The following COL23A1 variants were observed in gnomAD, a reference collection of about 807,000 sequenced individuals.
COL23A1 encodes collagen alpha-1(XXIII) chain.
A neutral mutation model predicts 99.3 loss-of-function variants in COL23A1; 97 were observed. That is an observed-to-expected ratio of 0.98 (90% CI 0.83 to 1.16). The LOEUF (loss-of-function observed/expected upper bound fraction) is 1.16. Among genes scored for constraint, COL23A1 ranks in the 50% most tolerant of loss-of-function variants. COL23A1 has a pLI of 0.00. For synonymous variants in COL23A1, 320 were observed against 308.2 expected (o/e 1.04, Z -0.40); for missense variants, 762 against 757.4 (o/e 1.01, Z -0.07).
intron 3 of COL23A1, among the ~76,000 whole-genome samples, chr5:178,298,644 C>G (rs1171294846): frequency 6.6e-6 from 1 of 152,176 alleles, no homozygotes; most frequent in Non-Finnish European, 1.5e-5. Flanking sequence ...GCCTCTCTTC[C>G]TCTCCCATTC....
At chr5:178,566,323 G>C (rs567065573) in intron 1 of COL23A1, among the ~76,000 whole-genome samples, 26 of 152,260 alleles carry the variant, frequency 1.7e-4, no homozygotes, top group African/African-American at 6.0e-4. Flanking sequence ...TTATGCATTT[G>C]TCAAAAACCA....
intron 2 of COL23A1, among the ~76,000 whole-genome samples, chr5:178,482,099 T>C (rs1000310924): frequency 1.3e-5 from 2 of 151,486 alleles, no homozygotes; most frequent in Non-Finnish European, 2.9e-5. Context: ...AATTACTATA[T>C]GATCCAGAAA....
chr5:178,552,978 G>A (rs953169665), intron 2 of COL23A1, among the ~76,000 whole-genome samples: 21 of 151,954 alleles, frequency 1.4e-4, no homozygotes, highest in African/African-American at 4.1e-4. Flanking sequence ...AAAGTGCTGG[G>A]ATTACAGGCG....
intron 1 of COL23A1, among the ~76,000 whole-genome samples, chr5:178,585,056 C>T (rs1202009086): frequency 6.6e-6 from 1 of 152,232 alleles, no homozygotes; most frequent in Non-Finnish European, 1.5e-5. Context: ...ATCCCAAACC[C>T]ATCAACCTTC....
rs1764793004 is a variant in COL23A1 at position 178,247,832 on chromosome 5, C to G, written c.1213-1G>C. 6.2e-7 allele frequency: 1 copy of G among 1,611,660 alleles called. No homozygotes were observed. Among genetic ancestry groups the G allele is most frequent in the African/African-American group, 1.3e-5 (1 of 74,876 alleles). ...GCCCTGGCTCCACTATGAGCTGAGC[C>G]TAGGGAGGGTGAGAGACAGGTTAGT... is the stretch of plus-strand genomic sequence containing the variant. On this transcript the variant is annotated splice_acceptor_variant, in intron 20 of 28. Transcript: ENST00000390654. LOFTEE classifies it high-confidence loss of function.
chr5:178,311,192 C>G (rs10447307), intron 2 of COL23A1, among the ~76,000 whole-genome samples: 1 of 151,898 alleles, frequency 6.6e-6, no homozygotes, highest in South Asian at 2.1e-4. Context: ...GAGGCTGGGG[C>G]GAGGGGTATG....
At chr5:178,400,584 TAC>T (rs996579227) in intron 2 of COL23A1, among the ~76,000 whole-genome samples, 12 of 152,074 alleles carry the variant, frequency 7.9e-5, no homozygotes, top group African/African-American at 2.9e-4. Flanking sequence ...TTTTTAAGTG[TAC>T]AATTCAATGA....
intron 5 of COL23A1, among the ~76,000 whole-genome samples, chr5:178,272,155 G>A (rs10464067): frequency 2.0e-5 from 3 of 152,332 alleles, no homozygotes; most frequent in East Asian, 1.9e-4. Flanking sequence ...CCTTCCCTGC[G>A]TTTCCAGCTG....
intron 2 of COL23A1, among the ~76,000 whole-genome samples, chr5:178,522,793 C>T (rs979620299): frequency 2.6e-5 from 4 of 152,138 alleles, no homozygotes; most frequent in Admixed American, 1.3e-4. Context: ...ACGTGGCCTA[C>T]GGGGACTGCC....
At chr5:178,494,526 G>A (rs1758097506) in intron 2 of COL23A1, among the ~76,000 whole-genome samples, 1 of 152,162 alleles carries the variant, frequency 6.6e-6, no homozygotes, top group Non-Finnish European at 1.5e-5. Context: ...AAAATGCAAA[G>A]TAGCCTGGCG....
At chr5:178,376,047 T>G (rs1320255561) in intron 2 of COL23A1, among the ~76,000 whole-genome samples, 1 of 152,112 alleles carries the variant, frequency 6.6e-6, no homozygotes, top group Non-Finnish European at 1.5e-5. Context: ...GGCTCAAATG[T>G]CTTCCTCCCA....
intron 2 of COL23A1, among the ~76,000 whole-genome samples, chr5:178,363,356 G>A (rs2973707): frequency 6.6e-6 from 1 of 152,160 alleles, no homozygotes; most frequent in African/African-American, 2.4e-5. Flanking sequence ...GATAGCCTAA[G>A]TGTAGAACCT....
At chr5:178,250,132 G>A in intron 17 of COL23A1, 27 bp from the exon 18 acceptor site, 2 of 1,613,908 alleles carry the variant, frequency 1.2e-6, no homozygotes, top group South Asian at 1.1e-5. Context: ...GGCAAGAGGG[G>A]TTATGCCTTC....
chr5:178,576,165 A>C (rs1276704797), intron 1 of COL23A1, among the ~76,000 whole-genome samples: 1 of 152,148 alleles, frequency 6.6e-6, no homozygotes, highest in Non-Finnish European at 1.5e-5. Flanking sequence ...TTTTCAAGCA[A>C]AGTTCAGTTC....
At chr5:178,432,497 C>A (rs987324240) in intron 2 of COL23A1, among the ~76,000 whole-genome samples, 14 of 152,166 alleles carry the variant, frequency 9.2e-5, no homozygotes. Flanking sequence ...GCCTCCTACG[C>A]TCCCGGCAGG....
intron 2 of COL23A1, among the ~76,000 whole-genome samples, chr5:178,358,671 A>ACGTG (rs1561898811): frequency 2.1e-5 from 3 of 144,894 alleles, no homozygotes; most frequent in African/African-American, 7.7e-5. Flanking sequence ...TATGTGTCTA[A>ACGTG]TGTGTATGTG....
intron 2 of COL23A1, among the ~76,000 whole-genome samples, chr5:178,490,489 C>T (rs537656193): frequency 3.2e-4 from 49 of 151,664 alleles, no homozygotes; most frequent in African/African-American, 1.2e-3. Context: ...GTTTCAGTTG[C>T]GGAAGATGAA....
intron 1 of COL23A1, among the ~76,000 whole-genome samples, chr5:178,575,821 A>G (rs166375): frequency 0.47 from 71,296 of 151,758 alleles, 18,849 homozygotes; most frequent in African/African-American, 0.71. Context: ...AAGGAAGCGG[A>G]GACCAGGTCC....
intron 2 of COL23A1, among the ~76,000 whole-genome samples, chr5:178,505,213 C>T (rs1292698982): frequency 6.6e-6 from 1 of 151,858 alleles, no homozygotes; most frequent in Non-Finnish European, 1.5e-5. Flanking sequence ...CATCTTCACT[C>T]GGTATTCTCC....
Sources: gnomAD v4.1 joint callset for allele counts (sites outside exome capture counted in the v4.1 genomes callset) on GRCh38, gnomAD v4.1.1 for gene constraint, MANE v1.5 for transcripts, NCBI Gene and HGNC (gene_info 2026-07-23, HGNC 2026-07-21) for gene names.